The following SLC35D1 variants were observed in gnomAD, a reference collection of about 807,000 sequenced individuals.
SLC35D1 encodes solute carrier family 35 member D1, also known as nucleotide sugar transporter SLC35D1.
Under a neutral mutation model 46.7 loss-of-function variants are expected in SLC35D1, and 31 were observed. The observed-to-expected ratio is 0.66, with a 90% CI of 0.50 to 0.90. SLC35D1 has a LOEUF of 0.90. Among genes scored for constraint, SLC35D1 ranks in the 40% least tolerant of loss-of-function variants. The pLI is 0.00. For synonymous variants in SLC35D1, 195 were observed against 164.6 expected (o/e 1.18, Z -1.41); for missense variants, 397 against 426.2 (o/e 0.93, Z 0.60).
At chr1:67,028,912 T>C (rs1667966623) in intron 8 of SLC35D1, among the ~76,000 whole-genome samples, 1 of 152,210 alleles carries the variant, frequency 6.6e-6, no homozygotes, top group African/African-American at 2.4e-5. Context: ...TCTTTTGTTA[T>C]AGCTTTCTTT....
At chr1:67,010,690 A>G (rs1481325169) in intron 10 of SLC35D1, among the ~76,000 whole-genome samples, 1 of 152,244 alleles carries the variant, frequency 6.6e-6, no homozygotes, top group Non-Finnish European at 1.5e-5. Flanking sequence ...AAATGCCTCA[A>G]TGATTATTTC....
At chr1:66,985,396 T>A in the SLC35D1 span, 2 of 983,864 alleles carry the variant, frequency 2.0e-6, no homozygotes, top group Non-Finnish European at 2.4e-6. Context: ...AGTATCTTTA[T>A]TAAGGAAACC....
intron 1 of SLC35D1, 82 bp downstream of exon 1, chr1:67,053,729 C>A: frequency 1.5e-6 from 2 of 1,294,532 alleles, no homozygotes; most frequent in South Asian, 1.9e-5. Context: ...CTTTGGCAGT[C>A]AAAGTCCAGG....
At chr1:66,982,445 A>G in the SLC35D1 span, among the ~76,000 whole-genome samples, 1 of 152,244 alleles carries the variant, frequency 6.6e-6, no homozygotes, top group African/African-American at 2.4e-5. Context: ...AAAAGAGAAG[A>G]AAAAGGCATA....
chr1:67,019,364 T>C (rs1309757276), intron 10 of SLC35D1, among the ~76,000 whole-genome samples: 1 of 152,236 alleles, frequency 6.6e-6, no homozygotes, highest in Admixed American at 6.5e-5. Flanking sequence ...CCCTGGCATA[T>C]AGATTGTCTC....
chr1:66,990,295 GACA>G, the SLC35D1 span, among the ~76,000 whole-genome samples: 1 of 152,148 alleles, frequency 6.6e-6, no homozygotes, highest in Non-Finnish European at 1.5e-5. Flanking sequence ...TTTTTCCGGA[GACA>G]ACGTCTTGCT....
At chr1:67,022,709 T>C (rs978325603) in intron 8 of SLC35D1, among the ~76,000 whole-genome samples, 1 of 152,210 alleles carries the variant, frequency 6.6e-6, no homozygotes, top group Admixed American at 6.5e-5. Context: ...GTAGAATACA[T>C]GAAAAATAAA....
chr1:67,052,174 AT>A (rs1645316516), intron 3 of SLC35D1, 95 bp from the exon 4 acceptor site: 2 of 913,248 alleles, frequency 2.2e-6, no homozygotes, highest in Admixed American at 3.8e-5. Context: ...TATGATCAAA[AT>A]TTTTTCCACT....
At chr1:67,051,445 G>GA (rs1424830813) in intron 4 of SLC35D1, among the ~76,000 whole-genome samples, 2 of 152,180 alleles carry the variant, frequency 1.3e-5, no homozygotes, top group Non-Finnish European at 2.9e-5. Context: ...AGGTTAGAGG[G>GA]AAAGACAGTG....
At chr1:67,012,346 G>A (rs1667582877) in intron 10 of SLC35D1, among the ~76,000 whole-genome samples, 3 of 151,904 alleles carry the variant, frequency 2.0e-5, no homozygotes, top group Non-Finnish European at 4.4e-5. Context: ...CTTATTCCTG[G>A]CAATACATTT....
chr1:67,038,717 A>T (rs1668174901), intron 8 of SLC35D1, among the ~76,000 whole-genome samples: 1 of 152,220 alleles, frequency 6.6e-6, no homozygotes, highest in Non-Finnish European at 1.5e-5. Context: ...GTTTAAAAAA[A>T]TGTTTTTAAG....
At chr1:66,973,403 CT>C in the SLC35D1 span, among the ~76,000 whole-genome samples, 1 of 152,034 alleles carries the variant, frequency 6.6e-6, no homozygotes, top group African/African-American at 2.4e-5. Flanking sequence ...TGCTTAAGTC[CT>C]GAGTGGTCTA....
the SLC35D1 span, chr1:66,988,161 A>G: frequency 5.9e-5 from 9 of 152,316 alleles, no homozygotes; most frequent in African/African-American, 1.2e-4. Context: ...TTTCCCAACT[A>G]TAATCCATAT....
chr1:67,044,763 G>A (rs1306776544), intron 7 of SLC35D1, among the ~76,000 whole-genome samples: 1 of 152,170 alleles, frequency 6.6e-6, no homozygotes, highest in Non-Finnish European at 1.5e-5. Context: ...AAATCTTTAT[G>A]CCATATGACT....
the SLC35D1 span, among the ~76,000 whole-genome samples, chr1:66,990,345 G>C: frequency 7.2e-5 from 11 of 152,242 alleles, no homozygotes; most frequent in East Asian, 2.1e-3. Context: ...TATGATCACT[G>C]CTCACTGCAG....
At chr1:66,982,249 AC>A in the SLC35D1 span, among the ~76,000 whole-genome samples, 5 of 152,120 alleles carry the variant, frequency 3.3e-5, no homozygotes, top group African/African-American at 1.2e-4. Flanking sequence ...TTAGGTCAAA[AC>A]CCTGCAGTTT....
chr1:66,984,112 A>G, the SLC35D1 span, among the ~76,000 whole-genome samples: 1 of 152,208 alleles, frequency 6.6e-6, no homozygotes, highest in African/African-American at 2.4e-5. Flanking sequence ...CAGTTTACTC[A>G]AGCTTTTTAA....
intron 10 of SLC35D1, among the ~76,000 whole-genome samples, chr1:67,012,495 T>A (rs1045843264): frequency 3.3e-5 from 4 of 121,946 alleles, no homozygotes; most frequent in Admixed American, 1.1e-4. Flanking sequence ...AAGTACACCA[T>A]TAAAAATTCA....
chr1:67,006,003 C>CT (rs569772503), intron 11 of SLC35D1, among the ~76,000 whole-genome samples: 5 of 152,148 alleles, frequency 3.3e-5, no homozygotes, highest in African/African-American at 9.6e-5. Flanking sequence ...AATTCTTACA[C>CT]TTTTTATTGT....
Sources: gnomAD v4.1 joint callset for allele counts (sites outside exome capture counted in the v4.1 genomes callset) on GRCh38, gnomAD v4.1.1 for gene constraint, MANE v1.5 for transcripts, NCBI Gene and HGNC (gene_info 2026-07-23, HGNC 2026-07-21) for gene names.